The following EIF4E3 variants were observed in gnomAD, a reference collection of about 807,000 sequenced individuals.
EIF4E3 encodes eukaryotic translation initiation factor 4E type 3.
A neutral mutation model predicts 31.7 loss-of-function variants in EIF4E3; 26 were observed. That is an observed-to-expected ratio of 0.82 (90% CI 0.60 to 1.14). The LOEUF (loss-of-function observed/expected upper bound fraction) is 1.14, where lower values mean the gene tolerates loss of function less well. EIF4E3 is among the 50% of genes most tolerant of loss of function. The pLI is 0.00. For missense variants in EIF4E3, 304 were observed against 270.9 expected, an observed-to-expected ratio of 1.12 and a Z score of -0.86; for synonymous variants, 128 against 107.7, an observed-to-expected ratio of 1.19 and a Z score of -1.17.
intron 4 of EIF4E3, 50 bp downstream of exon 4, chr3:71,696,410 C>T (rs1401445628): frequency 6.2e-7 from 1 of 1,607,918 alleles, no homozygotes. Flanking sequence ...GACAGGCAGT[C>T]AACAACTCCA....
intron 1 of EIF4E3, among the ~76,000 whole-genome samples, chr3:71,734,918 G>GT (rs1171402672): frequency 6.6e-6 from 1 of 152,138 alleles, no homozygotes; most frequent in African/African-American, 2.4e-5. Context: ...CTCTAAAATG[G>GT]TTTTTTGGTT....
chr3:71,669,718 G>A, the EIF4E3 span, among the ~76,000 whole-genome samples: 3 of 152,020 alleles, frequency 2.0e-5, no homozygotes, highest in Non-Finnish European at 4.4e-5. Flanking sequence ...TTCAACCTTT[G>A]CTGTTTTATT....
Position 71,678,135 on chromosome 3 carries a change from A to G in EIF4E3, c.*6547T>C, listed in dbSNP as rs932380925. On this transcript the variant is annotated 3_prime_UTR_variant, in exon 7 of 7. Coordinates refer to ENST00000425534, the MANE Select transcript of EIF4E3 (RefSeq NM_001134651.2). ...ACTTTTAATATGTGTTGTAATAAAC[A>G]AGGTTATTCTAATCACCACACACAC... 6.6e-6 allele frequency: 1 copy of G among 152,202 alleles called. No individual in the cohort carries two copies. The highest frequency in any genetic ancestry group is 1.5e-5 in the Non-Finnish European group (1 of 68,032). The allele number at this position is 152,202 out of a possible 1,614,324, so 9.4% of individuals were successfully genotyped here.
chr3:71,754,595 C>A (rs1435996851), upstream of EIF4E3: 1 of 1,424,892 alleles, frequency 7.0e-7, no homozygotes, highest in Admixed American at 2.6e-5. This position sits in a 1 kb window ranked among gnomAD's most constrained non-coding sequence, Gnocchi z 5.8. Context: ...GCGCCCCCGG[C>A]GCGCTGGGCT....
chr3:71,718,469 C>T (rs913214508), intron 1 of EIF4E3, among the ~76,000 whole-genome samples: 3 of 152,210 alleles, frequency 2.0e-5, no homozygotes, highest in African/African-American at 7.2e-5. Flanking sequence ...TTAACAGTAG[C>T]AACTGGGGCT....
chr3:71,754,164 T>C (rs1412822223), upstream of EIF4E3: 2 of 1,455,740 alleles, frequency 1.4e-6, no homozygotes, highest in East Asian at 3.0e-5. This position sits in a 1 kb window ranked among gnomAD's most constrained non-coding sequence, Gnocchi z 5.8. Flanking sequence ...CAACGTGCTG[T>C]TCGCGCTGCT....
chr3:71,675,074 A>G (rs2048865826), downstream of EIF4E3, among the ~76,000 whole-genome samples: 2 of 152,212 alleles, frequency 1.3e-5, no homozygotes, highest in East Asian at 3.8e-4. Context: ...TGGCAAAACC[A>G]CCAAACCTTT....
At chr3:71,745,250 T>C (rs2049859650) in intron 1 of EIF4E3, among the ~76,000 whole-genome samples, 1 of 152,194 alleles carries the variant, frequency 6.6e-6, no homozygotes, top group African/African-American at 2.4e-5. Flanking sequence ...GCTGGTGGCA[T>C]AGGAAAAATT....
rs147268599 is a variant in EIF4E3 at position 71,745,216 on chromosome 3, T to C, written c.-291+8247A>G. ...TGAAAGGGTCTCTACCTCATCTAAA[T>C]AAAAACCCAATGCAAAGCTTGGTGC... On this transcript the variant is annotated intron_variant, in intron 1 of 7. Transcript: ENST00000295612. 2.7e-3 allele frequency among the ~76,000 whole-genome samples: 415 copies of C among 152,304 alleles called. 4 individuals carry two copies. Among genetic ancestry groups the C allele is most frequent in the African/African-American group, 9.8e-3 (406 of 41,564 alleles).
At chr3:71,704,078 AG>A (rs1309144144) in intron 2 of EIF4E3, among the ~76,000 whole-genome samples, 1 of 152,210 alleles carries the variant, frequency 6.6e-6, no homozygotes, top group Non-Finnish European at 1.5e-5. Context: ...GATTTACAAG[AG>A]CTAGGTACTT....
intron 2 of EIF4E3, among the ~76,000 whole-genome samples, chr3:71,706,051 G>C (rs1305879224): frequency 6.6e-6 from 1 of 152,238 alleles, no homozygotes; most frequent in Non-Finnish European, 1.5e-5. Flanking sequence ...AATACGCCTA[G>C]ATGTAAAATG....
the EIF4E3 span, among the ~76,000 whole-genome samples, chr3:71,668,674 G>A: frequency 1.3e-5 from 2 of 152,256 alleles, no homozygotes; most frequent in South Asian, 2.1e-4. Context: ...TTAGAGAAAT[G>A]CAAATCAAAA....
downstream of EIF4E3, among the ~76,000 whole-genome samples, chr3:71,674,254 G>A (rs1578322430): frequency 1.3e-5 from 2 of 151,348 alleles, no homozygotes; most frequent in African/African-American, 4.9e-5. Context: ...TTACAGTCGT[G>A]CACCACCATG....
chr3:71,681,694 T>C lies in EIF4E3; in HGVS notation c.*2988A>G, dbSNP rs1004602616. 3.3e-5 allele frequency: 5 copies of C among 152,224 alleles called. No individual in the cohort carries two copies. The highest frequency in any genetic ancestry group is 7.3e-5 in the Non-Finnish European group (5 of 68,046). The allele number at this position is 152,224 out of a possible 1,614,324, so 9.4% of individuals were successfully genotyped here. On this transcript the variant is annotated 3_prime_UTR_variant, in exon 7 of 7. Transcript: ENST00000425534. ...AGCTCTGTGGCTGGCTAGCCCTACG[T>C]CTTTAACAAGGGACAAGTTCGGCCA...
intron 1 of EIF4E3, among the ~76,000 whole-genome samples, chr3:71,740,158 G>C (rs906301459): frequency 6.6e-6 from 1 of 151,756 alleles, no homozygotes; most frequent in African/African-American, 2.4e-5. Context: ...CTAAAAGAAA[G>C]CATAAAAATA....
At chr3:71,697,926 A>G (rs1207864541) in intron 3 of EIF4E3, among the ~76,000 whole-genome samples, 1 of 152,162 alleles carries the variant, frequency 6.6e-6, no homozygotes, top group Non-Finnish European at 1.5e-5. Flanking sequence ...TGGGGTATAT[A>G]TCTGGCAGTG....
At chr3:71,751,140 G>A (rs2049925225) in intron 1 of EIF4E3, among the ~76,000 whole-genome samples, 2 of 152,114 alleles carry the variant, frequency 1.3e-5, no homozygotes, top group African/African-American at 4.8e-5. Context: ...GGCTGAGATA[G>A]GAGGACGGCC....
At chr3:71,729,795 A>T (rs2049683004), upstream of EIF4E3, among the ~76,000 whole-genome samples, 1 of 75,334 alleles carries the variant, frequency 1.3e-5, no homozygotes, top group South Asian at 6.9e-4. Flanking sequence ...ACATTCCAAT[A>T]GAATGTGTGT....
upstream of EIF4E3, chr3:71,725,432 C>A: frequency 1.1e-6 from 1 of 920,864 alleles, no homozygotes; most frequent in Non-Finnish European, 1.3e-6. This position sits in a 1 kb window ranked among gnomAD's most constrained non-coding sequence, Gnocchi z 6.1. Flanking sequence ...GCTGAGTCAC[C>A]CCCGGCCCCC....
Sources: allele counts gnomAD v4.1 joint callset (sites outside exome capture counted in the v4.1 genomes callset), GRCh38; gene constraint gnomAD v4.1.1; non-coding constraint Gnocchi (gnomAD v3.1); transcripts MANE v1.5; gene names NCBI Gene and HGNC (gene_info 2026-07-23, HGNC 2026-07-21).